Variants in ABCA12 observed in about 807,000 individuals in gnomAD.
The protein encoded by ABCA12 is ATP binding cassette subfamily A member 12, also known as glucosylceramide transporter ABCA12.
In ABCA12, 156 loss-of-function variants were observed where a neutral mutation model predicts 293.5. The observed-to-expected ratio is 0.53, with a 90% CI of 0.47 to 0.61. The LOEUF is 0.61. ABCA12 is among the 20% of genes least tolerant of loss of function. The probability of loss-of-function intolerance (pLI) is 0.00; values close to 1 mark genes in which losing one functional copy is unlikely to be tolerated. For synonymous variants in ABCA12, 1,063 were observed against 1,108.0 expected (o/e 0.96, Z 0.81); for missense variants, 2,797 against 3,090.2 (o/e 0.91, Z 2.25).
chr2:215,012,407 G>A (rs1700397876), intron 15 of ABCA12, among the ~76,000 whole-genome samples: 1 of 151,912 alleles, frequency 6.6e-6, no homozygotes, highest in Non-Finnish European at 1.5e-5. Context: ...CCAGGTGAGT[G>A]GACAAAGTAT....
intron 33 of ABCA12, among the ~76,000 whole-genome samples, chr2:214,977,525 G>A (rs1469162210): frequency 2.0e-5 from 3 of 152,172 alleles, no homozygotes; most frequent in African/African-American, 7.2e-5. Context: ...AGCAAAAACT[G>A]TTGAAATGAC....
intron 28 of ABCA12, among the ~76,000 whole-genome samples, chr2:214,984,830 A>G (rs1474754809): frequency 1.3e-5 from 2 of 152,028 alleles, no homozygotes; most frequent in Non-Finnish European, 2.9e-5. Context: ...CCATCACTCT[A>G]AGCTCCTAAC....
chr2:215,099,419 G>T (rs2106115120), intron 2 of ABCA12, among the ~76,000 whole-genome samples: 1 of 152,306 alleles, frequency 6.6e-6, no homozygotes, highest in Non-Finnish European at 1.5e-5. Flanking sequence ...CCCCAGCTGG[G>T]CGCGGTGGCT....
chr2:215,010,832 G>C (rs1700356077), intron 17 of ABCA12, among the ~76,000 whole-genome samples: 1 of 152,110 alleles, frequency 6.6e-6, no homozygotes, highest in Admixed American at 6.5e-5. Context: ...CATAAGAGCT[G>C]TTCAATAAAT....
At chr2:215,001,513 T>C in intron 21 of ABCA12, 45 bp downstream of exon 21, 7 of 1,612,540 alleles carry the variant, frequency 4.3e-6, no homozygotes, top group Non-Finnish European at 5.9e-6. Context: ...ATTTGGCCAA[T>C]TTTAGCACAA....
chr2:215,127,958 A>T (rs1341263499), intron 1 of ABCA12, among the ~76,000 whole-genome samples: 2 of 152,182 alleles, frequency 1.3e-5, no homozygotes, highest in Non-Finnish European at 2.9e-5. Flanking sequence ...TTCAAGATTT[A>T]GAGCTCCTTC....
At chr2:214,932,797 A>G (rs1001090883) in intron 52 of ABCA12, 56 bp from the exon 53 acceptor site, 2 of 1,267,020 alleles carry the variant, frequency 1.6e-6, no homozygotes, top group Non-Finnish European at 2.3e-6. Context: ...AGGAAAAAAT[A>G]AAGTTAATTC....
At chr2:214,984,454 T>C (rs991809320) in intron 28 of ABCA12, among the ~76,000 whole-genome samples, 1 of 152,176 alleles carries the variant, frequency 6.6e-6, no homozygotes, top group Non-Finnish European at 1.5e-5. Flanking sequence ...CCATGCACTT[T>C]CCTGACATCC....
In ABCA12 at chr2:215,004,252, C is replaced by G; in HGVS notation, c.2640G>C (p.Val880=). Residue 880 remains valine, a synonymous_variant, in exon 20 of 53, where the codon GTG becomes GTC. Coordinates refer to ENST00000272895, the MANE Select transcript of ABCA12 (RefSeq NM_173076.3). ...PFVQVFVKFS[V]GLDAVELLKQ... is the part of the protein sequence containing the mutation. ...TCAATAGTTCAACAGCATCGAGTCC[C>G]ACGGAGAACTTTACAAAAACTTGCA... is the stretch of plus-strand genomic sequence containing the variant. 13 of 1,613,896 alleles carry G rather than the reference C, an allele frequency of 8.1e-6. No homozygotes were observed. Among genetic ancestry groups the G allele is most frequent in the Non-Finnish European group, 7.6e-6 (9 of 1,179,982 alleles).
In ABCA12 at chr2:215,007,831, T is replaced by G; in HGVS notation, c.2488A>C (p.Arg830=). The change falls in exon 19 of 53, where the codon AGA becomes CGA. Residue 830 remains arginine (R), a synonymous_variant. Transcript: ENST00000272895. Reference sequence around the variant, plus strand: ...TTTTCTCTTAATTCCGCCAGCTGTCTCAGAGTTACATTGGACTTAATGACA... The same window carrying G: ...TTTTCTCTTAATTCCGCCAGCTGTCGCAGAGTTACATTGGACTTAATGACA... ...AIMEKSNVTL[R]QLAELREKSQ... 1.2e-6 allele frequency: 2 copies of G among 1,614,014 alleles called. No individual in the cohort carries two copies. Among genetic ancestry groups the G allele is most frequent in the Non-Finnish European group, 1.7e-6 (2 of 1,179,940 alleles).
chr2:215,046,613 A>G (rs1701207954), intron 6 of ABCA12, among the ~76,000 whole-genome samples: 2 of 151,008 alleles, frequency 1.3e-5, no homozygotes. Flanking sequence ...TTTTTACCAC[A>G]TGTTCTATTC....
chr2:215,087,177 G>T (rs1005217832), intron 2 of ABCA12, among the ~76,000 whole-genome samples: 2 of 152,044 alleles, frequency 1.3e-5, no homozygotes, highest in African/African-American at 4.8e-5. Context: ...CCTGACCTCA[G>T]GTGATGCACC....
At chr2:214,972,224 C>T (rs1005603638) in intron 36 of ABCA12, among the ~76,000 whole-genome samples, 6 of 152,006 alleles carry the variant, frequency 3.9e-5, no homozygotes, top group African/African-American at 1.4e-4. Context: ...GATGTATATA[C>T]AGTATAATTT....
At chr2:215,047,593 A>G (rs1292387686) in intron 6 of ABCA12, among the ~76,000 whole-genome samples, 1 of 152,234 alleles carries the variant, frequency 6.6e-6, no homozygotes, top group Admixed American at 6.5e-5. Context: ...CAGAAGAATG[A>G]AACTGGTTAC....
At chr2:215,022,489 A>T (rs1422449563) in intron 11 of ABCA12, 1 of 152,248 alleles carries the variant, frequency 6.6e-6, no homozygotes, top group Non-Finnish European at 1.5e-5. Context: ...AAAGTTCTAG[A>T]AGCTTCACAG....
intron 1 of ABCA12, among the ~76,000 whole-genome samples, chr2:215,134,472 ATGTG>A: frequency 1.5e-5 from 2 of 129,652 alleles, no homozygotes; most frequent in African/African-American, 3.2e-5. Context: ...GCATATGTGT[ATGTG>A]TATATATACG....
intron 2 of ABCA12, among the ~76,000 whole-genome samples, chr2:215,064,833 T>A (rs1331872395): frequency 1.3e-5 from 2 of 152,018 alleles, no homozygotes; most frequent in Non-Finnish European, 2.9e-5. Flanking sequence ...CTTTTGACTG[T>A]ATATTAACTG....
chr2:215,116,074 T>C (rs952093092), intron 1 of ABCA12, among the ~76,000 whole-genome samples: 2 of 152,246 alleles, frequency 1.3e-5, no homozygotes, highest in East Asian at 3.8e-4. Context: ...GAAACTAGAA[T>C]GATCTTGGTA....
At chr2:215,112,477 G>GT (rs753647814) in intron 1 of ABCA12, among the ~76,000 whole-genome samples, 26 of 127,884 alleles carry the variant, frequency 2.0e-4, no homozygotes, top group East Asian at 1.1e-3. Context: ...ATTTCTTTGG[G>GT]TTTTTTTTGT....
Sources: gnomAD v4.1 joint callset for allele counts (sites outside exome capture counted in the v4.1 genomes callset) on GRCh38, gnomAD v4.1.1 for gene constraint, MANE v1.5 for transcripts, NCBI Gene and HGNC (gene_info 2026-07-23, HGNC 2026-07-21) for gene names.